Variants in PCBP3 observed in about 807,000 individuals in gnomAD.
The protein encoded by PCBP3 is poly(rC)-binding protein 3.
PCBP3 carries 25 observed loss-of-function variants against 52.7 expected under a neutral mutation model. That is an observed-to-expected ratio of 0.47 (90% CI 0.35 to 0.66). PCBP3 has a LOEUF of 0.66. Among genes scored for constraint, PCBP3 ranks in the 30% least tolerant of loss-of-function variants. PCBP3 has a pLI of 0.01. For missense variants in PCBP3, 391 were observed against 490.3 expected (o/e 0.80, Z 1.91); for synonymous variants, 162 against 183.0 (o/e 0.89, Z 0.93).
chr21:45,924,828 G>A (rs1253405018), intron 13 of PCBP3, among the ~76,000 whole-genome samples: 16 of 41,982 alleles, frequency 3.8e-4, no homozygotes, highest in East Asian at 1.5e-3. Flanking sequence ...TGCGAACACC[G>A]GGAACAGTCG....
chr21:45,825,832 T>A (rs540272322), intron 4 of PCBP3, among the ~76,000 whole-genome samples: 2 of 152,120 alleles, frequency 1.3e-5, no homozygotes, highest in South Asian at 4.1e-4. Flanking sequence ...ATGTGGAATC[T>A]TTCACAGGGA....
At chr21:45,645,087 T>C (rs1489263548) in intron 1 of PCBP3, among the ~76,000 whole-genome samples, 1 of 152,184 alleles carries the variant, frequency 6.6e-6, no homozygotes, top group African/African-American at 2.4e-5. Context: ...AAGGGATCAT[T>C]TGCAAGATCT....
At chr21:45,785,195 G>A (rs2091018677) in intron 4 of PCBP3, among the ~76,000 whole-genome samples, 1 of 149,908 alleles carries the variant, frequency 6.7e-6, no homozygotes, top group Admixed American at 6.6e-5. Flanking sequence ...CAGCCGCCCC[G>A]TCTGAGAAGT....
intron 3 of PCBP3, among the ~76,000 whole-genome samples, chr21:45,748,424 G>A (rs1026018788): frequency 2.0e-5 from 3 of 152,216 alleles, no homozygotes; most frequent in East Asian, 3.9e-4. Context: ...GATAGACTCC[G>A]GGAGCACTGA....
chr21:45,940,264 A>C, intron 17 of PCBP3, 65 bp downstream of exon 17: 6 of 1,428,996 alleles, frequency 4.2e-6, no homozygotes, highest in Non-Finnish European at 5.8e-6. Context: ...GCGTTACATC[A>C]CCTGGACGGT....
intron 5 of PCBP3, among the ~76,000 whole-genome samples, chr21:45,887,971 C>T (rs1228504849): frequency 6.6e-6 from 1 of 152,254 alleles, no homozygotes; most frequent in Non-Finnish European, 1.5e-5. Context: ...GCTGTGCTTG[C>T]AGCTCTGTCC....
chr21:45,757,049 A>G (rs1429707801), intron 4 of PCBP3, among the ~76,000 whole-genome samples: 2 of 152,226 alleles, frequency 1.3e-5, no homozygotes, highest in East Asian at 3.8e-4. Context: ...TATATGTAGA[A>G]GTAGAAGTGT....
Position 45,930,691 on chromosome 21 carries a change from G to A in PCBP3, c.797-95G>A, listed in dbSNP as rs372025421. 2.0e-3 allele frequency: 1,304 copies of A among 659,380 alleles called. 21 individuals carry two copies. The South Asian group carries it at 0.021, about 11-fold the overall frequency. The allele number at this position is 659,380 out of a possible 1,614,324, so 40.8% of individuals were successfully genotyped here. A position where few individuals can be genotyped will look rare whatever the true frequency, so the allele number is the denominator to read the frequency against. On this transcript the variant is annotated intron_variant, in intron 14 of 17. Coordinates refer to ENST00000681687, the MANE Select transcript of PCBP3 (RefSeq NM_001384156.1). ...CTGTGGCCAGAGAGAGCGCCGGTGCGTGCGCCAGTCATATTTTGAGCTTCC... is the reference window on the plus strand; with the variant it reads ...CTGTGGCCAGAGAGAGCGCCGGTGCATGCGCCAGTCATATTTTGAGCTTCC...
In PCBP3 at chr21:45,805,181, G is replaced by A. The variant is rs529743072; in HGVS notation, c.-125-44780G>A. Among the ~76,000 whole-genome samples the A allele has an allele frequency of 6.6e-6, 1 of 152,310 alleles. No homozygotes were observed. The highest frequency in any genetic ancestry group is 2.1e-4 in the South Asian group (1 of 4,820). ...CTTCCTAGCCGGGCACTATGCCACA[G>A]CCACACCCCTGTGGCCTGGCCCCCA... On this transcript the variant is annotated intron_variant, in intron 4 of 17. Transcript: ENST00000681687. This position sits in a 1 kb window ranked among gnomAD's most constrained non-coding sequence, Gnocchi z 4.6.
rs907050863 is a variant in PCBP3, at chr21:45,736,075, C to T, written c.-162+646C>T. ...AGCTTATTAAAGGTCATTTTCAAAA[C>T]GTTTTCAGCAGGAACTTGGTGTATA... On this transcript the variant is annotated intron_variant, in intron 3 of 17. Transcript: ENST00000681687. This position sits in a 1 kb window ranked among gnomAD's most constrained non-coding sequence, Gnocchi z 4.6. Among the ~76,000 whole-genome samples the T allele has an allele frequency of 1.3e-5, 2 of 152,216 alleles. No homozygotes were observed. The highest frequency in any genetic ancestry group is 2.4e-5 in the African/African-American group (1 of 41,460).
chr21:45,822,543 A>G (rs1333565065), intron 4 of PCBP3, among the ~76,000 whole-genome samples: 1 of 152,072 alleles, frequency 6.6e-6, no homozygotes, highest in Non-Finnish European at 1.5e-5. Context: ...GGACAGGGTT[A>G]GGAGAGCAAG....
chr21:45,836,662 G>A (rs377475643), intron 4 of PCBP3, among the ~76,000 whole-genome samples: 8 of 151,980 alleles, frequency 5.3e-5, no homozygotes, highest in African/African-American at 1.9e-4. Flanking sequence ...CAGGCTAAGC[G>A]AGATGACCCA....
At chr21:45,851,567 AGAAAGGAG>A (rs2094004856) in intron 5 of PCBP3, among the ~76,000 whole-genome samples, 4 of 152,178 alleles carry the variant, frequency 2.6e-5, no homozygotes, top group African/African-American at 9.6e-5. Context: ...AACAGAATAT[AGAAAGGAG>A]TGAATGAGTG....
At chr21:45,810,218 C>CTG (rs149677854) in intron 4 of PCBP3, among the ~76,000 whole-genome samples, 45,143 of 147,972 alleles carry the variant, frequency 0.31, 6,834 homozygotes, top group Admixed American at 0.37. Flanking sequence ...TGATTCGATT[C>CTG]TGTGTGTGTG....
At chr21:45,823,026 T>C (rs890963632) in intron 4 of PCBP3, among the ~76,000 whole-genome samples, 3 of 152,198 alleles carry the variant, frequency 2.0e-5, no homozygotes, top group African/African-American at 7.2e-5. Flanking sequence ...TGCTGTCCTC[T>C]TATAGGACAT....
intron 5 of PCBP3, among the ~76,000 whole-genome samples, chr21:45,878,570 C>T (rs1471793561): frequency 6.6e-6 from 1 of 152,192 alleles, no homozygotes; most frequent in Admixed American, 6.5e-5. Context: ...AGGTCCCAGC[C>T]GGGCACTGGG....
chr21:45,913,272 C>T (rs904209861), intron 11 of PCBP3, among the ~76,000 whole-genome samples: 1 of 152,250 alleles, frequency 6.6e-6, no homozygotes, highest in African/African-American at 2.4e-5. Flanking sequence ...GGATTTTTTC[C>T]TCTGGAGTCT....
intron 2 of PCBP3, among the ~76,000 whole-genome samples, chr21:45,718,502 C>T (rs924820787): frequency 3.3e-5 from 5 of 152,030 alleles, no homozygotes; most frequent in Admixed American, 1.3e-4. Flanking sequence ...TCTGCCGCTT[C>T]CATGCCAGCC....
chr21:45,691,422 A>G (rs992832609), intron 2 of PCBP3, among the ~76,000 whole-genome samples: 1 of 137,412 alleles, frequency 7.3e-6, no homozygotes, highest in African/African-American at 2.8e-5. Flanking sequence ...TTATATATAT[A>G]TAAAATATAT....
Sources: gnomAD v4.1 joint callset for allele counts (sites outside exome capture counted in the v4.1 genomes callset) on GRCh38, gnomAD v4.1.1 for gene constraint, Gnocchi (gnomAD v3.1) non-coding constraint, MANE v1.5 for transcripts, NCBI Gene and HGNC (gene_info 2026-07-23, HGNC 2026-07-21) for gene names.